Variants in PTPRD observed in about 807,000 individuals in gnomAD.
PTPRD encodes protein tyrosine phosphatase receptor type D, also known as receptor-type tyrosine-protein phosphatase delta.
A neutral mutation model predicts 214.5 loss-of-function variants in PTPRD; 34 were observed. That is an observed-to-expected ratio of 0.16 (90% CI 0.12 to 0.21). The LOEUF is 0.21. Ranked by LOEUF, PTPRD falls within the 10% of genes least tolerant of loss-of-function variation. PTPRD has a pLI of 1.00. For synonymous variants in PTPRD, 1,128 were observed against 845.7 expected, an observed-to-expected ratio of 1.33 and a Z score of -5.79; for missense variants, 2,545 against 2,398.7, an observed-to-expected ratio of 1.06 and a Z score of -1.27.
Position 8,331,733 on chromosome 9 carries a change from C to G in PTPRD, c.5383G>C (p.Gly1795Arg), listed in dbSNP as rs1303270743. The change falls in exon 44 of 46, where the codon GGC (glycine) becomes CGC (arginine). Residue 1795 changes from glycine (G) to arginine (R), a missense_variant. Physicochemically the swap from Gly to Arg is moderately radical, Grantham distance 125 (BLOSUM62 -2). Coordinates refer to ENST00000381196, the MANE Select transcript of PTPRD (RefSeq NM_002839.4). ...AACTGCCTTACTGTTCGGGACTGGC[C>G]GTCCTTTAGAAGGAAAGCCACATAC... ...REFKVTDARD[G>R]QSRTVRQFQF... 6.3e-7 allele frequency: 1 copy of G among 1,589,886 alleles called. No individual in the cohort carries two copies. Among genetic ancestry groups the G allele is most frequent in the Non-Finnish European group, 8.6e-7 (1 of 1,169,308 alleles).
intron 7 of PTPRD, among the ~76,000 whole-genome samples, chr9:9,629,238 G>GTGTGTGTGTATATATATATATA (rs149327972): frequency 7.1e-6 from 1 of 140,370 alleles, no homozygotes; most frequent in African/African-American, 2.8e-5. Flanking sequence ...GTGTGTGTGT[G>GTGTGTGTGTATATATATATATA]TATATATATA....
intron 2 of PTPRD, among the ~76,000 whole-genome samples, chr9:10,560,041 C>T (rs1174104442): frequency 6.6e-6 from 1 of 152,116 alleles, no homozygotes; most frequent in Non-Finnish European, 1.5e-5. Flanking sequence ...CCATTTGACC[C>T]AGCCATCCAT....
chr9:9,727,830 C>G (rs948730221), intron 7 of PTPRD, among the ~76,000 whole-genome samples: 1 of 152,156 alleles, frequency 6.6e-6, no homozygotes, highest in African/African-American at 2.4e-5. Flanking sequence ...TGTAACCTCT[C>G]AAGTTGGGTT....
intron 3 of PTPRD, among the ~76,000 whole-genome samples, chr9:10,315,932 C>A (rs986410403): frequency 6.6e-6 from 1 of 151,734 alleles, no homozygotes; most frequent in Non-Finnish European, 1.5e-5. Flanking sequence ...ATGATTTTCT[C>A]TAGGTTTATC....
chr9:8,382,841 G>T (rs769611736), intron 37 of PTPRD, among the ~76,000 whole-genome samples: 1 of 152,214 alleles, frequency 6.6e-6, no homozygotes, highest in African/African-American at 2.4e-5. Context: ...TGTTGCCCTA[G>T]ATAGGCAGCA....
At chr9:8,361,272 G>A (rs755971343) in intron 39 of PTPRD, among the ~76,000 whole-genome samples, 20 of 152,190 alleles carry the variant, frequency 1.3e-4, no homozygotes, top group Non-Finnish European at 2.9e-4. Context: ...AACTTAGAAT[G>A]TCAAATAACA....
intron 5 of PTPRD, among the ~76,000 whole-genome samples, chr9:9,855,449 G>T (rs542415818): frequency 2.6e-5 from 4 of 152,238 alleles, no homozygotes; most frequent in African/African-American, 9.6e-5. Flanking sequence ...GGAGAGGCTA[G>T]AATTGAATAA....
chr9:8,848,112 C>G (rs1291112703), intron 11 of PTPRD, among the ~76,000 whole-genome samples: 22 of 152,078 alleles, frequency 1.4e-4, no homozygotes, highest in Admixed American at 1.4e-3. Context: ...CCCCAGAGCT[C>G]TGGCAGTTGT....
At chr9:8,954,469 G>A (rs138728499) in intron 11 of PTPRD, among the ~76,000 whole-genome samples, 2 of 151,580 alleles carry the variant, frequency 1.3e-5, no homozygotes, top group African/African-American at 2.4e-5. Context: ...TAACAAACCT[G>A]TGCATATTCT....
chr9:9,120,855 T>C (rs2099816944), intron 10 of PTPRD, among the ~76,000 whole-genome samples: 1 of 152,156 alleles, frequency 6.6e-6, no homozygotes, highest in African/African-American at 2.4e-5. Flanking sequence ...TTTCCAAGGG[T>C]TGGTATCACT....
intron 11 of PTPRD, among the ~76,000 whole-genome samples, chr9:8,812,680 C>G (rs1192591263): frequency 6.6e-6 from 1 of 151,774 alleles, no homozygotes; most frequent in Admixed American, 6.6e-5. Flanking sequence ...AGGAATTAGC[C>G]AATGCCATAG....
intron 11 of PTPRD, among the ~76,000 whole-genome samples, chr9:8,802,355 C>G (rs184946352): frequency 3.3e-5 from 5 of 152,298 alleles, no homozygotes; most frequent in Admixed American, 2.6e-4. Flanking sequence ...GCTTCCCTGA[C>G]TCTCACGCCA....
intron 14 of PTPRD, among the ~76,000 whole-genome samples, chr9:8,541,975 C>A (rs926780748): frequency 2.0e-5 from 3 of 151,958 alleles, no homozygotes; most frequent in Non-Finnish European, 4.4e-5. Context: ...AAAACCACTA[C>A]CAAAAGTTAC....
intron 8 of PTPRD, among the ~76,000 whole-genome samples, chr9:9,548,089 A>G (rs1168271688): frequency 6.6e-6 from 1 of 152,042 alleles, no homozygotes; most frequent in East Asian, 1.9e-4. Flanking sequence ...TTTGCTGAGC[A>G]ATGTAATACA....
intron 37 of PTPRD, among the ~76,000 whole-genome samples, chr9:8,377,885 T>C (rs537159665): frequency 6.6e-6 from 1 of 152,208 alleles, no homozygotes; most frequent in African/African-American, 2.4e-5. Context: ...TAATTTTCTC[T>C]TTCACAGAGA....
intron 3 of PTPRD, among the ~76,000 whole-genome samples, chr9:10,268,321 G>A (rs375083582): frequency 7.3e-4 from 90 of 122,972 alleles, no homozygotes; most frequent in African/African-American, 2.3e-3. Flanking sequence ...TAATAATAAC[G>A]ATAATAATAA....
chr9:10,386,878 GA>G (rs1269472848), intron 2 of PTPRD, among the ~76,000 whole-genome samples: 7 of 151,678 alleles, frequency 4.6e-5, no homozygotes, highest in Non-Finnish European at 8.8e-5. Context: ...ATGACATTAA[GA>G]TAGAAAGATT....
intron 12 of PTPRD, among the ~76,000 whole-genome samples, chr9:8,730,660 ATACAAC>A (rs1011337939): frequency 2.0e-5 from 3 of 152,246 alleles, no homozygotes; most frequent in African/African-American, 7.2e-5. Context: ...TATGTATGAA[ATACAAC>A]TAACAGAAGC....
chr9:9,886,356 A>C (rs1449491151), intron 5 of PTPRD, among the ~76,000 whole-genome samples: 1 of 152,126 alleles, frequency 6.6e-6, no homozygotes. Context: ...GTAATATGTA[A>C]TGAACTGCAA....
Sources: allele counts gnomAD v4.1 joint callset (sites outside exome capture counted in the v4.1 genomes callset), GRCh38; gene constraint gnomAD v4.1.1; transcripts MANE v1.5; gene names NCBI Gene and HGNC (gene_info 2026-07-23, HGNC 2026-07-21).